Variants in CDH18 observed in about 807,000 individuals in gnomAD.
The protein encoded by CDH18 is cadherin 18.
A neutral mutation model predicts 67.9 loss-of-function variants in CDH18; 31 were observed. The ratio of observed to expected loss-of-function variants is 0.46; its 90% CI spans 0.34 to 0.62. The LOEUF is 0.62. Ranked by LOEUF, CDH18 falls within the 20% of genes least tolerant of loss-of-function variation. The pLI, the probability that CDH18 is intolerant of heterozygous loss-of-function variation, is 0.01. For synonymous variants in CDH18, 362 were observed against 347.2 expected (o/e 1.04, Z -0.48); for missense variants, 890 against 975.5 (o/e 0.91, Z 1.17).
intron 2 of CDH18, among the ~76,000 whole-genome samples, chr5:19,965,282 T>C (rs1024576801): frequency 1.3e-5 from 2 of 152,182 alleles, no homozygotes; most frequent in African/African-American, 4.8e-5. Context: ...ATAATAAACA[T>C]AAGTCTTATG....
chr5:19,893,131 C>T (rs1365546509), intron 2 of CDH18, among the ~76,000 whole-genome samples: 1 of 152,012 alleles, frequency 6.6e-6, no homozygotes, highest in Non-Finnish European at 1.5e-5. Context: ...TCCCTCTGCC[C>T]CTCTGCCTCT....
chr5:19,530,812 T>C (rs1023817408), intron 9 of CDH18, among the ~76,000 whole-genome samples: 1 of 152,238 alleles, frequency 6.6e-6, no homozygotes, highest in African/African-American at 2.4e-5. Flanking sequence ...ATGTACCATA[T>C]TTTCTTAATC....
chr5:20,011,943 C>G (rs1255624922), intron 2 of CDH18, among the ~76,000 whole-genome samples: 1 of 152,048 alleles, frequency 6.6e-6, no homozygotes, highest in Non-Finnish European at 1.5e-5. Context: ...CAGAATAATA[C>G]TGGGCTCATA....
At chr5:20,270,102 A>G (rs1745326989) in intron 1 of CDH18, among the ~76,000 whole-genome samples, 1 of 152,054 alleles carries the variant, frequency 6.6e-6, no homozygotes, top group African/African-American at 2.4e-5. Context: ...ATGTAAAACA[A>G]TACATAAACA....
chr5:20,544,224 C>T (rs914086300), intron 1 of CDH18, among the ~76,000 whole-genome samples: 1 of 151,896 alleles, frequency 6.6e-6, no homozygotes, highest in African/African-American at 2.4e-5. Context: ...GAAATATTCA[C>T]AAGCATACCT....
Position 19,849,657 on chromosome 5 carries a change from TATATATATACACGCATATATATATAAAC to T in CDH18, c.-256-10443_-256-10416del, listed in dbSNP as rs1561437283. On this transcript the variant is annotated intron_variant, in intron 2 of 12. Coordinates refer to ENST00000382275, the MANE Select transcript of CDH18 (RefSeq NM_004934.5). ...ATATACACGCATATATATATAAACA[TATATATATACACGCATATATATATAAAC>T]ATATATATATACACGCATATATATA... Among the ~76,000 whole-genome samples the T allele has an allele frequency of 2.1e-3, 64 of 31,034 alleles. 8 individuals are homozygous for T. Among genetic ancestry groups the T allele is most frequent in the African/African-American group, 4.8e-3 (64 of 13,472 alleles). The allele number at this position is 31,034 out of a possible 152,430, so 20.4% of individuals were successfully genotyped here.
chr5:20,099,150 A>G (rs1445121910), intron 2 of CDH18, among the ~76,000 whole-genome samples: 1 of 152,256 alleles, frequency 6.6e-6, no homozygotes, highest in Non-Finnish European at 1.5e-5. Context: ...CTGGCAGCAC[A>G]TAATGAAAAC....
At chr5:20,056,473 C>CTTTTT (rs1561754004) in intron 2 of CDH18, among the ~76,000 whole-genome samples, 11 of 13,544 alleles carry the variant, frequency 8.1e-4, no homozygotes, top group Non-Finnish European at 1.3e-3. Flanking sequence ...TATTTTCTTT[C>CTTTTT]TTTTGTTTTT....
intron 5 of CDH18, among the ~76,000 whole-genome samples, chr5:19,690,279 CA>C (rs1053727102): frequency 6.6e-6 from 1 of 151,206 alleles, no homozygotes; most frequent in African/African-American, 2.4e-5. Context: ...AACAACACAC[CA>C]AAACCTATTG....
intron 2 of CDH18, among the ~76,000 whole-genome samples, chr5:20,014,787 G>A (rs1027398491): frequency 6.6e-6 from 1 of 152,090 alleles, no homozygotes; most frequent in Non-Finnish European, 1.5e-5. Context: ...CAGTGAATGA[G>A]GCTGAAGCAT....
chr5:20,409,331 C>T (rs1378537049), intron 1 of CDH18, among the ~76,000 whole-genome samples: 2 of 151,710 alleles, frequency 1.3e-5, no homozygotes, highest in African/African-American at 4.8e-5. Flanking sequence ...TTTTGACAAC[C>T]ACAGTGGGAT....
At chr5:20,449,328 T>G (rs905544967) in intron 1 of CDH18, among the ~76,000 whole-genome samples, 3 of 152,108 alleles carry the variant, frequency 2.0e-5, no homozygotes, top group African/African-American at 4.8e-5. Context: ...TGCTGGAGTT[T>G]GAGAATTTTT....
At chr5:20,196,517 C>T (rs942197934) in intron 2 of CDH18, among the ~76,000 whole-genome samples, 9 of 151,800 alleles carry the variant, frequency 5.9e-5, no homozygotes, top group South Asian at 2.1e-4. Context: ...TGTGTAGTAT[C>T]GGAAAAGTTA....
chr5:20,303,569 G>C (rs1399531647), intron 1 of CDH18, among the ~76,000 whole-genome samples: 4 of 152,028 alleles, frequency 2.6e-5, no homozygotes, highest in African/African-American at 9.7e-5. Context: ...CAGCGTCGCA[G>C]CCCGGTTCAT....
At chr5:20,064,841 A>T (rs1742832136) in intron 2 of CDH18, among the ~76,000 whole-genome samples, 1 of 152,186 alleles carries the variant, frequency 6.6e-6, no homozygotes, top group Non-Finnish European at 1.5e-5. Context: ...GCCCTTGAAA[A>T]TATGTTTGCA....
At chr5:19,655,507 G>A in intron 5 of CDH18, among the ~76,000 whole-genome samples, 1 of 151,612 alleles carries the variant, frequency 6.6e-6, no homozygotes, top group Non-Finnish European at 1.5e-5. Flanking sequence ...TAATATTTGT[G>A]GAATAAATGT....
Position 19,473,645 on chromosome 5 carries a change from G to A in CDH18, c.1954C>T (p.Arg652Trp), listed in dbSNP as rs773695784. The change falls in exon 13 of 13, where the codon CGG becomes TGG. Residue 652 changes from arginine to tryptophan, a missense_variant. Physicochemically the swap from Arg to Trp is moderately radical, Grantham distance 101. Coordinates refer to ENST00000382275, the MANE Select transcript of CDH18 (RefSeq NM_004934.5). ...TCATCATAGGTGACCACGTTCTCCCGTACATCCTCTTCTGAAATGATCAAG... is the reference window on the plus strand; with the variant it reads ...TCATCATAGGTGACCACGTTCTCCCATACATCCTCTTCTGAAATGATCAAG... The part of the protein sequence containing the change: ...EPLIISEEDV[R>W]ENVVTYDDEG... 50 of 1,613,568 alleles carry A rather than the reference G, an allele frequency of 3.1e-5. No individual in the cohort carries two copies. The highest frequency in any genetic ancestry group is 5.3e-5 in the African/African-American group (4 of 74,838).
At chr5:20,163,643 T>C (rs766465838) in intron 2 of CDH18, among the ~76,000 whole-genome samples, 2 of 152,210 alleles carry the variant, frequency 1.3e-5, no homozygotes, top group African/African-American at 4.8e-5. Flanking sequence ...CCAATGTGCA[T>C]TTAGGTAGAA....
chr5:20,423,946 C>CA (rs553723574), intron 1 of CDH18, among the ~76,000 whole-genome samples: 23,967 of 63,344 alleles, frequency 0.38, 7,160 homozygotes, highest in Non-Finnish European at 0.46. Flanking sequence ...GACTCCGTCT[C>CA]AAAAAAAAAA....
Sources: gnomAD v4.1 joint callset for allele counts (sites outside exome capture counted in the v4.1 genomes callset) on GRCh38, gnomAD v4.1.1 for gene constraint, MANE v1.5 for transcripts, NCBI Gene and HGNC (gene_info 2026-07-23, HGNC 2026-07-21) for gene names.